Variants in SUZ12 observed in about 807,000 individuals in gnomAD.
The protein encoded by SUZ12 is polycomb protein SUZ12.
SUZ12 carries 17 observed loss-of-function variants against 87.3 expected under a neutral mutation model. The ratio of observed to expected loss-of-function variants is 0.19; its 90% confidence interval spans 0.13 to 0.29. SUZ12 has a LOEUF of 0.29. Ranked by LOEUF, SUZ12 falls within the 10% of genes least tolerant of loss-of-function variation. The pLI is 1.00. For synonymous variants in SUZ12, 253 were observed against 312.4 expected (o/e 0.81, Z 2.01); for missense variants, 526 against 912.2 (o/e 0.58, Z 5.45).
At chr17:31,982,450 A>G (rs1598179406) in intron 8 of SUZ12, among the ~76,000 whole-genome samples, 1 of 152,178 alleles carries the variant, frequency 6.6e-6, no homozygotes, top group African/African-American at 2.4e-5. Context: ...TCACGAGGGC[A>G]GGAGTTTAAG....
At chr17:31,992,043 G>A (rs1909746904) in intron 10 of SUZ12, among the ~76,000 whole-genome samples, 1 of 151,944 alleles carries the variant, frequency 6.6e-6, no homozygotes, top group Admixed American at 6.5e-5. Flanking sequence ...TGTAATCCTA[G>A]CAATTTTGGA....
At chr17:31,995,496 C>G (rs1349948349) in intron 13 of SUZ12, 68 bp from the exon 14 acceptor site, 12 of 1,292,908 alleles carry the variant, frequency 9.3e-6, no homozygotes, top group Non-Finnish European at 1.3e-5. Flanking sequence ...CAGATCTCAA[C>G]TCCTAGTCGT....
At chr17:31,947,434 C>T (rs73988494) in intron 3 of SUZ12, among the ~76,000 whole-genome samples, 183 bp from the exon 4 acceptor site, 100 of 152,262 alleles carry the variant, frequency 6.6e-4, no homozygotes, top group African/African-American at 1.7e-3. Flanking sequence ...GGCTTGAAGG[C>T]TCGTGTGCTG....
intron 8 of SUZ12, among the ~76,000 whole-genome samples, chr17:31,981,318 G>A (rs1304143117): frequency 6.6e-6 from 1 of 152,164 alleles, no homozygotes; most frequent in African/African-American, 2.4e-5. Flanking sequence ...TACCAAAATA[G>A]ATACATATGG....
At chr17:31,977,210 AG>A (rs1908807684) in intron 8 of SUZ12, among the ~76,000 whole-genome samples, 1 of 151,854 alleles carries the variant, frequency 6.6e-6, no homozygotes, top group South Asian at 2.1e-4. Context: ...CAGGAGTTCA[AG>A]GCAGCAATGA....
chr17:31,965,808 A>G (rs1011944332), intron 4 of SUZ12: 3 of 183,620 alleles, frequency 1.6e-5, no homozygotes, highest in African/African-American at 4.7e-5. Context: ...ACCTGCTGTC[A>G]TTTTATAGGT....
At chr17:31,965,121 A>C (rs1418327666) in intron 4 of SUZ12, among the ~76,000 whole-genome samples, 1 of 151,788 alleles carries the variant, frequency 6.6e-6, no homozygotes, top group Non-Finnish European at 1.5e-5. Flanking sequence ...CTGACTATAA[A>C]AATGCCTAGA....
At chr17:31,964,461 C>T (rs547967583) in intron 4 of SUZ12, among the ~76,000 whole-genome samples, 1 of 151,560 alleles carries the variant, frequency 6.6e-6, no homozygotes, top group Admixed American at 6.6e-5. Context: ...GGCTGGAGTG[C>T]AATGGCGCAA....
At chr17:31,990,723 C>T (rs576439263) in intron 10 of SUZ12, among the ~76,000 whole-genome samples, 69 of 151,962 alleles carry the variant, frequency 4.5e-4, no homozygotes, top group African/African-American at 1.6e-3. Flanking sequence ...AGTTTAAGGC[C>T]CAAGTTGCAG....
chr17:31,937,433 G>T lies in SUZ12; in HGVS notation c.187G>T (p.Ala63Ser). 6.5e-7 allele frequency: 1 copy of T among 1,540,874 alleles called. No individual in the cohort carries two copies. The highest frequency in any genetic ancestry group is 1.2e-5 in the South Asian group (1 of 83,706). ...SASSSSSAAA[A>S]AGAAVLPVKK... The stretch of plus-strand genomic sequence containing the variant: ...CTCCTCCTCCTCCTCCGCGGCGGCA[G>T]CGGCGGGGGCTGCGGTGTTACCGGT... Residue 63 changes from alanine (A) to serine (S), a missense_variant, in exon 1 of 16, where the codon GCG becomes TCG. Ala to Ser is a moderately conservative substitution (Grantham distance 99). Transcript: ENST00000322652.
intron 1 of SUZ12, among the ~76,000 whole-genome samples, chr17:31,939,373 T>C (rs955395568): frequency 8.6e-5 from 13 of 151,718 alleles, no homozygotes; most frequent in Non-Finnish European, 1.3e-4. Flanking sequence ...GAGACCAGCC[T>C]GGGCAACATA....
chr17:31,958,367 T>C (rs1907492989), intron 4 of SUZ12, among the ~76,000 whole-genome samples: 1 of 152,186 alleles, frequency 6.6e-6, no homozygotes, highest in Admixed American at 6.5e-5. Flanking sequence ...ACTATTGTAT[T>C]AATGATTTTT....
At chr17:31,957,122 C>T (rs146366870) in intron 4 of SUZ12, among the ~76,000 whole-genome samples, 12 of 152,304 alleles carry the variant, frequency 7.9e-5, no homozygotes, top group Non-Finnish European at 1.6e-4. Context: ...TGCTCCATTG[C>T]CCGGGCTGGA....
chr17:31,952,845 G>T (rs552167637), intron 4 of SUZ12, among the ~76,000 whole-genome samples: 3 of 152,310 alleles, frequency 2.0e-5, no homozygotes, highest in Admixed American at 2.0e-4. Context: ...TTACAGGCGT[G>T]TGGCACCGTG....
At chr17:31,955,349 A>C (rs1179628481) in intron 4 of SUZ12, among the ~76,000 whole-genome samples, 1 of 152,096 alleles carries the variant, frequency 6.6e-6, no homozygotes, top group Non-Finnish European at 1.5e-5. Flanking sequence ...TTGTGCGATC[A>C]TGACTCACTT....
intron 4 of SUZ12, among the ~76,000 whole-genome samples, chr17:31,960,430 C>T (rs758506877): frequency 6.6e-6 from 1 of 151,966 alleles, no homozygotes; most frequent in Non-Finnish European, 1.5e-5. Flanking sequence ...AGGCTGGTCT[C>T]GAACTCCTGA....
At chr17:31,995,421 G>A (rs1039891382) in intron 13 of SUZ12, 143 bp from the exon 14 acceptor site, 8 of 609,436 alleles carry the variant, frequency 1.3e-5, no homozygotes, top group South Asian at 4.3e-5. Context: ...TAACTAGTGG[G>A]GGTGTGCCTC....
At position 31,952,521 on chromosome 17, in the gene SUZ12, A is replaced by C. The variant is rs9899054; in HGVS notation, c.455+4836A>C. On this transcript the variant is annotated intron_variant, in intron 4 of 15. Transcript: ENST00000322652. ...TAGTGGTATATGCTAGCAGGATTCT[A>C]GGGATTCTTATGCTGTCCTACCAAT... 2.6e-3 allele frequency among the ~76,000 whole-genome samples: 395 copies of C among 152,248 alleles called. 5 individuals are homozygous for C. Among genetic ancestry groups the C allele is most frequent in the African/African-American group, 9.0e-3 (375 of 41,546 alleles).
At position 31,993,913 on chromosome 17, in the gene SUZ12, C is replaced by T. The variant is rs775824668; in HGVS notation, c.1342C>T (p.Leu448=). Residue 448 remains leucine (L), a synonymous_variant, in exon 12 of 16, where the codon CTG becomes TTG. Coordinates refer to ENST00000322652, the MANE Select transcript of SUZ12 (RefSeq NM_015355.4). ...TRQQTEARDD[L]HCPWCTLNCR... ...GCAACAAACTGAAGCAAGAGATGAC[C>T]TGCATTGCCCTTGGTGTACTCTGAA... 5 of 1,613,492 alleles carry T rather than the reference C, an allele frequency of 3.1e-6. No individual in the cohort carries two copies. The highest frequency in any genetic ancestry group is 3.4e-6 in the Non-Finnish European group (4 of 1,179,844).
Sources: gnomAD v4.1 joint callset for allele counts (sites outside exome capture counted in the v4.1 genomes callset) on GRCh38, gnomAD v4.1.1 for gene constraint, MANE v1.5 for transcripts, NCBI Gene and HGNC (gene_info 2026-07-23, HGNC 2026-07-21) for gene names.